Variants in ULK4 observed in about 807,000 individuals in gnomAD.
The protein encoded by ULK4 is inactive serine/threonine-protein kinase ULK4.
ULK4 carries 133 observed loss-of-function variants against 160.6 expected under a neutral mutation model. The observed-to-expected ratio is 0.83, with a 90% CI of 0.72 to 0.96. The LOEUF (loss-of-function observed/expected upper bound fraction) is 0.96, where lower values mean the gene tolerates loss of function less well. Ranked by LOEUF, ULK4 falls within the 40% of genes least tolerant of loss-of-function variation. The pLI is 0.00. For synonymous variants in ULK4, 534 were observed against 539.8 expected, an observed-to-expected ratio of 0.99 and a Z score of 0.15; for missense variants, 1,580 against 1,499.5, an observed-to-expected ratio of 1.05 and a Z score of -0.89.
intron 35 of ULK4, among the ~76,000 whole-genome samples, chr3:41,310,090 AC>A (rs879388359): frequency 6.6e-6 from 1 of 152,148 alleles, no homozygotes; most frequent in Non-Finnish European, 1.5e-5. Flanking sequence ...AGGCTCCTCA[AC>A]CTTTTTTCCA....
chr3:41,398,331 A>G, intron 34 of ULK4, 67 bp from the exon 35 acceptor site: 1 of 1,553,246 alleles, frequency 6.4e-7, no homozygotes, highest in East Asian at 2.3e-5. Flanking sequence ...AAAAAAACAC[A>G]GTAAAATTTG....
chr3:41,431,913 C>A (rs2082921889), intron 34 of ULK4, among the ~76,000 whole-genome samples: 1 of 151,628 alleles, frequency 6.6e-6, no homozygotes, highest in Non-Finnish European at 1.5e-5. Context: ...CCTCAGCCTC[C>A]CAAGTAGCTG....
intron 31 of ULK4, among the ~76,000 whole-genome samples, chr3:41,598,879 G>A (rs2031871383): frequency 6.6e-6 from 1 of 152,232 alleles, no homozygotes; most frequent in South Asian, 2.1e-4. Context: ...TACAGTTCTA[G>A]ACGTCAGAGG....
intron 29 of ULK4, among the ~76,000 whole-genome samples, chr3:41,674,018 A>G (rs565189581): frequency 6.6e-6 from 1 of 152,302 alleles, no homozygotes; most frequent in Non-Finnish European, 1.5e-5. Flanking sequence ...ATATTTATGG[A>G]ATGAATTAAT....
Position 41,465,881 on chromosome 3 carries a change from C to T in ULK4, c.3227-2628G>A, listed in dbSNP as rs147562618. ...AAGATAAATGTTTATTCTTTCCTGT[C>T]GTTTACCAGTTTCAGAACAATGATT... On this transcript the variant is annotated intron_variant, in intron 32 of 36. Transcript: ENST00000301831. Among the ~76,000 whole-genome samples, 383 of 152,152 alleles carry T rather than the reference C, an allele frequency of 2.5e-3. 1 individual carries two copies. Among genetic ancestry groups the T allele is most frequent in the Admixed American group, 6.9e-3 (105 of 15,280 alleles).
intron 27 of ULK4, among the ~76,000 whole-genome samples, chr3:41,704,755 A>C: frequency 6.6e-6 from 1 of 152,146 alleles, no homozygotes; most frequent in Non-Finnish European, 1.5e-5. Context: ...TTTAGTGCCA[A>C]GGTTGAGAAA....
At position 41,545,166 on chromosome 3, in the gene ULK4, G is replaced by A. The variant is rs892588184; in HGVS notation, c.3226+20859C>T. Among the ~76,000 whole-genome samples, 6 of 144,498 alleles carry A rather than the reference G, an allele frequency of 4.2e-5. No homozygotes were observed. The Admixed American group carries it at 4.3e-4, about 10-fold the overall frequency. The allele number at this position is 144,498 out of a possible 152,430, so 94.8% of individuals were successfully genotyped here. On this transcript the variant is annotated intron_variant, in intron 32 of 36. Transcript: ENST00000301831. ...AACCTACCTAGTCCGTTTTATTTTAGGTAATTACAGAGTAACAAAAAAAAG... is the reference window on the plus strand; with the variant it reads ...AACCTACCTAGTCCGTTTTATTTTAAGTAATTACAGAGTAACAAAAAAAAG...
chr3:41,260,884 A>C (rs2078927329), intron 35 of ULK4, among the ~76,000 whole-genome samples: 1 of 152,228 alleles, frequency 6.6e-6, no homozygotes, highest in African/African-American at 2.4e-5. Flanking sequence ...CACCCTCTGC[A>C]TGAAGCACAG....
chr3:41,565,156 G>A (rs953298), intron 32 of ULK4, among the ~76,000 whole-genome samples: 74,875 of 152,058 alleles, frequency 0.49, 18,622 homozygotes, highest in Middle Eastern at 0.58. Flanking sequence ...AGTACAAGCT[G>A]TGGTATTCAC....
intron 31 of ULK4, among the ~76,000 whole-genome samples, chr3:41,571,419 T>C (rs1575431090): frequency 6.6e-6 from 1 of 152,380 alleles, no homozygotes; most frequent in Non-Finnish European, 1.5e-5. Flanking sequence ...CTGTGCTATT[T>C]CATTTATCTT....
chr3:41,840,893 GCC>G (rs1559598346), intron 17 of ULK4, among the ~76,000 whole-genome samples: 4 of 150,500 alleles, frequency 2.7e-5, no homozygotes, highest in Non-Finnish European at 4.4e-5. Flanking sequence ...AGTGAGGAGC[GCC>G]TCTGCCCTGC....
At chr3:41,878,527 G>A (rs1182366412) in intron 17 of ULK4, among the ~76,000 whole-genome samples, 1 of 152,024 alleles carries the variant, frequency 6.6e-6, no homozygotes. Flanking sequence ...CTATTTTAAG[G>A]ATAACCAAAT....
chr3:41,750,969 A>G (rs1384924854), intron 22 of ULK4, among the ~76,000 whole-genome samples: 1 of 142,642 alleles, frequency 7.0e-6, no homozygotes, highest in Non-Finnish European at 1.5e-5. Flanking sequence ...CTCAAAAAAA[A>G]AAAAGAGAGA....
At chr3:41,667,180 AC>A (rs1380416727) in intron 29 of ULK4, among the ~76,000 whole-genome samples, 1 of 151,638 alleles carries the variant, frequency 6.6e-6, no homozygotes, top group African/African-American at 2.4e-5. Flanking sequence ...AAACACACAC[AC>A]AAAAAAAACA....
chr3:41,306,154 A>C lies in ULK4; in HGVS notation c.3679-56580T>G, dbSNP rs1158858392. On this transcript the variant is annotated intron_variant, in intron 35 of 36. Transcript: ENST00000301831. ...GGGGGGGGGGGGTCAGCCCCCCGCC[A>C]GGCCAGCCGCCCCATCCGGGAGGGA... Among the ~76,000 whole-genome samples the C allele has an allele frequency of 3.1e-3, 211 of 69,082 alleles. 1 individual carries two copies. The highest frequency in any genetic ancestry group is 5.1e-3 in the African/African-American group (61 of 11,944). The allele number at this position is 69,082 out of a possible 152,430, so 45.3% of individuals were successfully genotyped here. A position where few individuals can be genotyped will look rare whatever the true frequency, so the allele number is the denominator to read the frequency against.
chr3:41,897,084 A>AATTACGACAGCTAAGATGAGGAC, intron 14 of ULK4, 81 bp from the exon 15 acceptor site: 1 of 1,269,664 alleles, frequency 7.9e-7, no homozygotes, highest in East Asian at 2.4e-5. Flanking sequence ...ATAAACACAG[A>AATTACGACAGCTAAGATGAGGAC]ATTACGACAG....
In ULK4 at chr3:41,829,359, A is replaced by C. The variant is rs534072420; in HGVS notation, c.1764+6505T>G. The stretch of plus-strand genomic sequence containing the variant: ...GAAACTACCATCAGAGTGAACAGGC[A>C]ACCTACAGAATGGGAGAAAATTTTT... On this transcript the variant is annotated intron_variant, in intron 18 of 36. Coordinates refer to ENST00000301831, the MANE Select transcript of ULK4 (RefSeq NM_017886.4). Among the ~76,000 whole-genome samples the C allele has an allele frequency of 4.1e-5, 6 of 146,676 alleles. No individual in the cohort carries two copies. The South Asian group carries it at 1.3e-3, about 32-fold the overall frequency.
At chr3:41,836,374 T>C (rs1295327877) in intron 17 of ULK4, among the ~76,000 whole-genome samples, 1 of 152,154 alleles carries the variant, frequency 6.6e-6, no homozygotes, top group Non-Finnish European at 1.5e-5. Flanking sequence ...GGTTTTGCCA[T>C]GTTGGCCAGG....
chr3:41,953,091 A>G (rs1700342162), intron 2 of ULK4, among the ~76,000 whole-genome samples: 1 of 152,010 alleles, frequency 6.6e-6, no homozygotes, highest in Non-Finnish European at 1.5e-5. Context: ...CAGTTTTACA[A>G]GATGAAAACA....
Sources: allele counts gnomAD v4.1 joint callset (sites outside exome capture counted in the v4.1 genomes callset), GRCh38; gene constraint gnomAD v4.1.1; transcripts MANE v1.5; gene names NCBI Gene and HGNC (gene_info 2026-07-23, HGNC 2026-07-21).